The following SACS variants were observed in gnomAD, a reference collection of about 807,000 sequenced individuals.
SACS encodes the protein sacsin.
A neutral mutation model predicts 348.0 loss-of-function variants in SACS; 197 were observed. The observed-to-expected ratio is 0.57, with a 90% CI of 0.50 to 0.64. The LOEUF is 0.64. Ranked by LOEUF, SACS falls within the 30% of genes least tolerant of loss-of-function variation. The probability of loss-of-function intolerance (pLI) is 0.00; values close to 1 mark genes in which losing one functional copy is unlikely to be tolerated. For synonymous variants in SACS, 1,985 were observed against 1,910.6 expected, an observed-to-expected ratio of 1.04 and a Z score of -1.02; for missense variants, 4,999 against 5,360.8, an observed-to-expected ratio of 0.93 and a Z score of 2.11.
In SACS at chr13:23,332,901, C is replaced by G. The variant is rs1050182606; in HGVS notation, c.10975G>C (p.Ala3659Pro). Residue 3659 changes from alanine to proline, a missense_variant, in exon 10 of 10, where the codon GCC becomes CCC. Ala to Pro is a conservative substitution (Grantham distance 27). Coordinates refer to ENST00000382292, the MANE Select transcript of SACS (RefSeq NM_014363.6). Reference protein sequence around the residue: ...SLIPFLCPERAPAEFIRFHPQ... With the variant: ...SLIPFLCPERPPAEFIRFHPQ... ...TGAAATCTAATGAATTCCGCGGGGGCCCGCTCAGGACATAAGAATGGTATT... is the reference window on the plus strand; with the variant it reads ...TGAAATCTAATGAATTCCGCGGGGGGCCGCTCAGGACATAAGAATGGTATT... The G allele has an allele frequency of 5.6e-6, 9 of 1,613,738 alleles. No individual in the cohort carries two copies. In the Admixed American group the frequency reaches 1.0e-4, roughly 18 times the overall value.
At position 23,367,183 on chromosome 13, in the gene SACS, T is replaced by C. The variant is rs1297823916; in HGVS notation, c.345+1219A>G. Among the ~76,000 whole-genome samples, 3 of 152,334 alleles carry C rather than the reference T, an allele frequency of 2.0e-5. No individual in the cohort carries two copies. The East Asian group carries it at 5.8e-4, about 29-fold the overall frequency. Reference sequence around the variant, plus strand: ...CCAAAACCACCTCGTAGCAATACTCTTTCCATCCTCACTTTCCTAATAAGT... The same window carrying C: ...CCAAAACCACCTCGTAGCAATACTCCTTCCATCCTCACTTTCCTAATAAGT... On this transcript the variant is annotated intron_variant, in intron 5 of 9. Transcript: ENST00000382292.
intron 1 of SACS, among the ~76,000 whole-genome samples, chr13:23,413,981 G>T (rs1873603443): frequency 6.6e-6 from 1 of 152,156 alleles, no homozygotes; most frequent in South Asian, 2.1e-4. Flanking sequence ...ATAAAGTAAA[G>T]GATTAGGATC....
intron 1 of SACS, among the ~76,000 whole-genome samples, chr13:23,425,590 C>T (rs1874136088): frequency 6.6e-6 from 1 of 152,160 alleles, no homozygotes; most frequent in Non-Finnish European, 1.5e-5. Flanking sequence ...TGGGCCCTGC[C>T]CTCTTCCTGG....
In SACS at chr13:23,333,365, AATC is replaced by A. The variant is rs1555250190; in HGVS notation, c.10508_10510del (p.Arg3503_Leu3504delinsIle). On this transcript the variant is annotated inframe_deletion, in exon 10 of 10. Coordinates refer to ENST00000382292, the MANE Select transcript of SACS (RefSeq NM_014363.6). ...CTCTGATAATTCCTCAGCACTTGAT[AATC>A]TATTCTTAAGGTAGATCAAGTGCTC... 6.3e-7 allele frequency: 1 copy of A among 1,597,492 alleles called. No homozygotes were observed. Among genetic ancestry groups the A allele is most frequent in the East Asian group, 2.2e-5 (1 of 44,752 alleles).
intron 2 of SACS, among the ~76,000 whole-genome samples, chr13:23,380,004 A>G (rs1179669456): frequency 6.6e-6 from 1 of 152,010 alleles, no homozygotes; most frequent in African/African-American, 2.4e-5. Context: ...CTCAGCTCCC[A>G]GCCTGATCTA....
intron 1 of SACS, among the ~76,000 whole-genome samples, chr13:23,422,760 G>A (rs546615519): frequency 1.7e-3 from 262 of 151,822 alleles, no homozygotes; most frequent in Non-Finnish European, 1.4e-3. Flanking sequence ...CTGGGTTCAC[G>A]CCATTCTCCT....
chr13:23,391,713 G>T (rs1872532190), intron 2 of SACS, among the ~76,000 whole-genome samples: 1 of 152,106 alleles, frequency 6.6e-6, no homozygotes, highest in Admixed American at 6.5e-5. Flanking sequence ...ACCCATGATT[G>T]ATCCTAATTG....
At chr13:23,375,746 C>T (rs545351306) in intron 2 of SACS, among the ~76,000 whole-genome samples, 5 of 151,704 alleles carry the variant, frequency 3.3e-5, no homozygotes, top group African/African-American at 1.2e-4. Context: ...GGAGCCGCCC[C>T]GCCCCACTCG....
At position 23,335,118 on chromosome 13, in the gene SACS, G is replaced by A; in HGVS notation, c.8758C>T (p.Pro2920Ser). Reference protein sequence around the residue: ...NNSLMTALIAPAYVELLIQLK... With the variant: ...NNSLMTALIASAYVELLIQLK... ...TGTATTAGCAATTCAACATATGCAG[G>A]AGCTATTAATGCTGTCATTAAACTG... Residue 2920 changes from proline (P) to serine (S), a missense_variant, in exon 10 of 10, where the codon CCT (proline) becomes TCT (serine). Pro to Ser is a moderately conservative substitution (Grantham distance 74). Transcript: ENST00000382292. The surrounding 1 kb of genome is among the most constrained non-coding windows in gnomAD (Gnocchi z 4.7). 1 of 1,613,870 alleles carries A rather than the reference G, an allele frequency of 6.2e-7. No homozygotes were observed. Among genetic ancestry groups the A allele is most frequent in the Non-Finnish European group, 8.5e-7 (1 of 1,179,868 alleles).
intron 2 of SACS, among the ~76,000 whole-genome samples, chr13:23,384,242 G>T (rs183110714): frequency 1.3e-5 from 2 of 152,338 alleles, no homozygotes; most frequent in Admixed American, 6.5e-5. Flanking sequence ...TTCCGCCTTC[G>T]TAGACATCTT....
At position 23,358,455 on chromosome 13, in the gene SACS, C is replaced by G; in HGVS notation, c.484G>C (p.Ala162Pro). 1.1e-5 allele frequency: 17 copies of G among 1,614,138 alleles called. No individual in the cohort carries two copies. Among genetic ancestry groups the G allele is most frequent in the Non-Finnish European group, 1.4e-5 (17 of 1,180,028 alleles). The stretch of plus-strand genomic sequence containing the variant: ...TGCCAGTCCTCTGGGGTGAAAACCG[C>G]GTTGTTGTACACATAGAGAGCTGGC... ...QGPALYVYNNAVFTPEDWHGI... is the reference protein window; with the variant it reads ...QGPALYVYNNPVFTPEDWHGI... The change falls in exon 7 of 10, where the codon GCG (alanine) becomes CCG (proline). Residue 162 changes from alanine (A) to proline (P), a missense_variant. Coordinates refer to ENST00000382292, the MANE Select transcript of SACS (RefSeq NM_014363.6).
intron 1 of SACS, among the ~76,000 whole-genome samples, chr13:23,424,201 T>G (rs1222344529): frequency 6.6e-5 from 10 of 152,194 alleles, no homozygotes; most frequent in African/African-American, 2.4e-4. Flanking sequence ...CATTATACAA[T>G]TTCCAAACAT....
Position 23,355,764 on chromosome 13 carries a change from C to A in SACS, c.848G>T (p.Ser283Ile). ...CTTCTGCTTATTGTAGAGGTTACTACTAAGTTGTGAAGGTTGTAGGCGAAG... is the reference window on the plus strand; with the variant it reads ...CTTCTGCTTATTGTAGAGGTTACTAATAAGTTGTGAAGGTTGTAGGCGAAG... Reference protein sequence around the residue: ...FPLRLQPSQLSSNLYNKQKVL... With the variant: ...FPLRLQPSQLISNLYNKQKVL... The change falls in exon 8 of 10, where the codon AGT (serine) becomes ATT (isoleucine). Residue 283 changes from serine (S) to isoleucine (I), a missense_variant. Physicochemically the swap from Ser to Ile is moderately radical, Grantham distance 142. Around this residue, in one of 6 missense-constraint regions of SACS, gnomAD observed 3,156 missense variants for 3,380.1 expected, o/e 0.93. Transcript: ENST00000382292. 2 of 1,614,190 alleles carry A rather than the reference C, an allele frequency of 1.2e-6. No individual in the cohort carries two copies. The highest frequency in any genetic ancestry group is 1.7e-6 in the Non-Finnish European group (2 of 1,180,038).
chr13:23,332,613 T>G lies in SACS; in HGVS notation c.11263A>C (p.Ile3755Leu), dbSNP rs746206221. The change falls in exon 10 of 10, where the codon ATA becomes CTA. Residue 3755 changes from isoleucine to leucine, a missense_variant. Ile to Leu is a conservative substitution (Grantham distance 5, BLOSUM62 2). Coordinates refer to ENST00000382292, the MANE Select transcript of SACS (RefSeq NM_014363.6). Reference sequence around the variant, plus strand: ...TCATCCAACGTCGTTATGTTGCATATGTTTCTGCAGTTATTGATTACCTTA... The same window carrying G: ...TCATCCAACGTCGTTATGTTGCATAGGTTTCTGCAGTTATTGATTACCTTA... ...LDKVINNCRN[I>L]CNITTLDEEM... is the part of the protein sequence containing the mutation. 2 of 1,613,656 alleles carry G rather than the reference T, an allele frequency of 1.2e-6. No homozygotes were observed. The highest frequency in any genetic ancestry group is 8.5e-7 in the Non-Finnish European group (1 of 1,179,888).
chr13:23,416,360 A>G (rs1371753970), intron 1 of SACS, among the ~76,000 whole-genome samples: 1 of 152,202 alleles, frequency 6.6e-6, no homozygotes, highest in Admixed American at 6.5e-5. Context: ...GAATTAATGA[A>G]AGAGAAAACA....
In SACS at chr13:23,365,163, T is replaced by C. The variant is rs1870981518; in HGVS notation, c.457+3A>G. On this transcript the variant is annotated splice_donor_region_variant and intron_variant, in intron 6 of 9. Transcript: ENST00000382292. ...AAATTTGTTCCTAATTATTGATTCT[T>C]ACCCTGATATGGCGCCATATCTTTT... The C allele has an allele frequency of 1.9e-6, 3 of 1,592,256 alleles. No individual in the cohort carries two copies. Among genetic ancestry groups the C allele is most frequent in the Non-Finnish European group, 2.6e-6 (3 of 1,162,678 alleles).
At position 23,420,751 on chromosome 13, in the gene SACS, T is replaced by C. The variant is rs553377006; in HGVS notation, c.-501-9011A>G. Among the ~76,000 whole-genome samples, 14 of 152,136 alleles carry C rather than the reference T, an allele frequency of 9.2e-5. No individual in the cohort carries two copies. In the South Asian group the frequency reaches 1.7e-3, roughly 18 times the overall value. Reference sequence around the variant, plus strand: ...CCTGGATGTTCACATGGGACCTAGATTGAACCTGAGGCCTGATGTTCATCA... The same window carrying C: ...CCTGGATGTTCACATGGGACCTAGACTGAACCTGAGGCCTGATGTTCATCA... On this transcript the variant is annotated intron_variant, in intron 1 of 9. Transcript: ENST00000382292.
intron 6 of SACS, among the ~76,000 whole-genome samples, chr13:23,358,763 A>C (rs1870549611): frequency 6.6e-6 from 1 of 152,238 alleles, no homozygotes; most frequent in African/African-American, 2.4e-5. Flanking sequence ...CAAACAAGAA[A>C]ATCAGTTACT....
chr13:23,387,955 T>G (rs1437616386), intron 2 of SACS, among the ~76,000 whole-genome samples: 1 of 152,182 alleles, frequency 6.6e-6, no homozygotes, highest in African/African-American at 2.4e-5. Flanking sequence ...CAATAGATGT[T>G]GGCATGTATG....
Sources: gnomAD v4.1 joint callset for allele counts (sites outside exome capture counted in the v4.1 genomes callset) on GRCh38, gnomAD v4.1.1 for gene constraint, gnomAD v4.1.1 regional missense constraint, Gnocchi (gnomAD v3.1) non-coding constraint, MANE v1.5 for transcripts, NCBI Gene and HGNC (gene_info 2026-07-23, HGNC 2026-07-21) for gene names.